Variants in NUP160 observed in about 807,000 individuals in gnomAD.
NUP160 encodes nucleoporin 160, also known as nuclear pore complex protein Nup160.
Under a neutral mutation model 196.9 loss-of-function variants are expected in NUP160, and 94 were observed. The ratio of observed to expected loss-of-function variants is 0.48; its 90% CI spans 0.40 to 0.57. The LOEUF is 0.57. NUP160 is among the 20% of genes least tolerant of loss of function. NUP160 has a pLI of 0.00. For missense variants in NUP160, 1,638 were observed against 1,748.3 expected, an observed-to-expected ratio of 0.94 and a Z score of 1.13; for synonymous variants, 605 against 619.7, an observed-to-expected ratio of 0.98 and a Z score of 0.35.
At chr11:47,836,309 A>G (rs1008452178) in intron 6 of NUP160, among the ~76,000 whole-genome samples, 6 of 152,200 alleles carry the variant, frequency 3.9e-5, no homozygotes, top group African/African-American at 1.4e-4. Context: ...AGTCTGAAAC[A>G]TAAGATCAGA....
intron 34 of NUP160, among the ~76,000 whole-genome samples, chr11:47,782,237 A>C (rs908181499): frequency 6.8e-6 from 1 of 146,308 alleles, no homozygotes; most frequent in African/African-American, 2.5e-5. Flanking sequence ...TGAGGGAGTA[A>C]GTGGAGGCTG....
At chr11:47,781,715 G>A (rs997357131) in intron 34 of NUP160, among the ~76,000 whole-genome samples, 1 of 152,100 alleles carries the variant, frequency 6.6e-6, no homozygotes, top group African/African-American at 2.4e-5. Flanking sequence ...TCATAAGGCT[G>A]CTATAAGGAT....
chr11:47,792,791 C>T (rs1459763830), exon 28 of NUP160: 5 of 1,610,082 alleles, frequency 3.1e-6, no homozygotes, highest in Non-Finnish European at 4.2e-6. Context: ...CATACCACTG[C>T]ACCAGACACT....
intron 13 of NUP160, among the ~76,000 whole-genome samples, chr11:47,814,276 T>G (rs1333387133): frequency 6.6e-6 from 1 of 151,714 alleles, no homozygotes; most frequent in Non-Finnish European, 1.5e-5. Context: ...TAAATACATA[T>G]ATTAGATTGG....
intron 28 of NUP160, chr11:47,792,250 G>C: frequency 2.6e-6 from 1 of 381,990 alleles, no homozygotes; most frequent in Non-Finnish European, 4.7e-6. Context: ...AATTTTTCTC[G>C]GCTCCAGAGT....
At chr11:47,825,009 G>C (rs1474858152) in intron 7 of NUP160, among the ~76,000 whole-genome samples, 1 of 151,850 alleles carries the variant, frequency 6.6e-6, no homozygotes, top group East Asian at 1.9e-4. Context: ...CTAAGTTTTT[G>C]TATTTTTAGT....
exon 1 of NUP160, chr11:47,848,425 G>C: frequency 6.5e-7 from 1 of 1,546,652 alleles, no homozygotes; most frequent in Non-Finnish European, 8.7e-7. Context: ...AAGCATTCCG[G>C]GAGCAGAAAG....
At chr11:47,826,367 T>C (rs879863888) in intron 7 of NUP160, among the ~76,000 whole-genome samples, 6 of 152,222 alleles carry the variant, frequency 3.9e-5, no homozygotes, top group Admixed American at 6.5e-5. Context: ...TCAAAAAAGT[T>C]ATTCTGATTT....
chr11:47,796,097 T>C (rs1298751103), intron 27 of NUP160: 1 of 225,158 alleles, frequency 4.4e-6, no homozygotes, highest in Non-Finnish European at 8.1e-6. Flanking sequence ...GAGGTTGCAG[T>C]GAGCAGACAC....
chr11:47,796,828 G>T (rs2097671135), intron 27 of NUP160, among the ~76,000 whole-genome samples: 1 of 152,236 alleles, frequency 6.6e-6, no homozygotes, highest in Admixed American at 6.5e-5. Flanking sequence ...GAGTAGCTGA[G>T]ATTACAGGCA....
intron 23 of NUP160, among the ~76,000 whole-genome samples, chr11:47,801,116 C>A (rs527734435): frequency 3.2e-4 from 49 of 152,236 alleles, no homozygotes; most frequent in African/African-American, 1.2e-3. Context: ...GTCAAGAGGA[C>A]CCTCAAGTCC....
chr11:47,798,590 T>A, intron 23 of NUP160, 127 bp from the exon 24 acceptor site: 1 of 615,928 alleles, frequency 1.6e-6, no homozygotes, highest in Non-Finnish European at 2.9e-6. Flanking sequence ...CCAATCCCAG[T>A]ACTCTGGGAG....
At chr11:47,787,428 C>CTTT (rs145162308) in intron 31 of NUP160, among the ~76,000 whole-genome samples, 5 of 130,060 alleles carry the variant, frequency 3.8e-5, no homozygotes, top group African/African-American at 5.7e-5. Flanking sequence ...AATTCACAAA[C>CTTT]TTTTTTTTTT....
At chr11:47,834,192 G>A (rs559186381) in intron 7 of NUP160, among the ~76,000 whole-genome samples, 9 of 151,970 alleles carry the variant, frequency 5.9e-5, no homozygotes, top group African/African-American at 2.2e-4. Context: ...TGCAGTTCTC[G>A]GTAAGAGTAT....
At chr11:47,848,322 C>A (rs1316599942) in exon 1 of NUP160, 1 of 1,613,870 alleles carries the variant, frequency 6.2e-7, no homozygotes, top group Admixed American at 1.7e-5. Flanking sequence ...CCGCCATCTT[C>A]CCGCCGTCGC....
At chr11:47,801,190 G>C (rs993706713) in intron 23 of NUP160, among the ~76,000 whole-genome samples, 2 of 152,154 alleles carry the variant, frequency 1.3e-5, no homozygotes, top group African/African-American at 4.8e-5. Flanking sequence ...AGCAAGACTA[G>C]TAAAGTGCAA....
At chr11:47,808,902 C>A (rs2097679311) in intron 17 of NUP160, among the ~76,000 whole-genome samples, 1 of 151,784 alleles carries the variant, frequency 6.6e-6, no homozygotes, top group African/African-American at 2.4e-5. Context: ...AATTTCGAGA[C>A]CAGACTGGAC....
At position 47,788,629 on chromosome 11, in the gene NUP160, A is replaced by G; in HGVS notation, c.3512-18T>C. On this transcript the variant is annotated intron_variant, in intron 29 of 35. Transcript: ENST00000378460. ...TCGATTTGCTATACATCAAAGAAAA[A>G]TATTTTGAACTCCCAAAATACAAAG... 1 of 1,543,748 alleles carries G rather than the reference A, an allele frequency of 6.5e-7. No individual in the cohort carries two copies. The highest frequency in any genetic ancestry group is 9.0e-7 in the Non-Finnish European group (1 of 1,117,166).
chr11:47,828,268 T>C (rs1444255209), intron 7 of NUP160, among the ~76,000 whole-genome samples: 1 of 151,954 alleles, frequency 6.6e-6, no homozygotes, highest in East Asian at 1.9e-4. Flanking sequence ...AGTTGCAAGA[T>C]ACAATTATGA....
Sources: gnomAD v4.1 joint callset for allele counts (sites outside exome capture counted in the v4.1 genomes callset) on GRCh38, gnomAD v4.1.1 for gene constraint, MANE v1.5 for transcripts, NCBI Gene and HGNC (gene_info 2026-07-23, HGNC 2026-07-21) for gene names.